NPAS2: variants seen among roughly 807,000 people sequenced by gnomAD.
The protein encoded by NPAS2 is neuronal PAS domain protein 2.
Under a neutral mutation model 107.5 loss-of-function variants are expected in NPAS2, and 23 were observed. That is an observed-to-expected ratio of 0.21 (90% confidence interval 0.15 to 0.30). The LOEUF (loss-of-function observed/expected upper bound fraction) is 0.30. Ranked by LOEUF, NPAS2 falls within the 10% of genes least tolerant of loss-of-function variation. The pLI is 1.00. For synonymous variants in NPAS2, 403 were observed against 417.5 expected (o/e 0.97, Z 0.42); for missense variants, 756 against 1,043.3 (o/e 0.72, Z 3.79).
At chr2:100,974,090 C>A (rs1365211097) in intron 12 of NPAS2, among the ~76,000 whole-genome samples, 1 of 152,244 alleles carries the variant, frequency 6.6e-6, no homozygotes, top group African/African-American at 2.4e-5. Flanking sequence ...GATCCGCCTG[C>A]CTCAGCCTCC....
At chr2:100,974,277 G>A (rs115754346) in intron 12 of NPAS2, among the ~76,000 whole-genome samples, 1 of 152,220 alleles carries the variant, frequency 6.6e-6, no homozygotes, top group Non-Finnish European at 1.5e-5. Context: ...GGGAGCCAGG[G>A]TCAGTCAGGA....
At chr2:100,947,449 G>A (rs1266396871) in intron 5 of NPAS2, among the ~76,000 whole-genome samples, 2 of 151,972 alleles carry the variant, frequency 1.3e-5, no homozygotes, top group East Asian at 1.9e-4. Context: ...TACTTGGGAG[G>A]CTGAGGCAGG....
chr2:100,828,174 G>A (rs941143567), intron 1 of NPAS2, among the ~76,000 whole-genome samples: 4 of 152,092 alleles, frequency 2.6e-5, no homozygotes, highest in Non-Finnish European at 4.4e-5. Flanking sequence ...TAGTGATATG[G>A]AGCATTTTTT....
At chr2:100,987,980 A>G in intron 16 of NPAS2, 99 bp from the exon 17 acceptor site, 1 of 1,295,596 alleles carries the variant, frequency 7.7e-7, no homozygotes, top group Non-Finnish European at 1.1e-6. Context: ...GGCAGCTCAG[A>G]GCAAGAAAGT....
intron 2 of NPAS2, among the ~76,000 whole-genome samples, chr2:100,924,202 C>G (rs1458384848): frequency 6.6e-6 from 1 of 152,212 alleles, no homozygotes; most frequent in Non-Finnish European, 1.5e-5. Flanking sequence ...CAGCATCCCC[C>G]ACCAGAGTGG....
chr2:100,836,976 C>T (rs1239648363), intron 1 of NPAS2, among the ~76,000 whole-genome samples: 1 of 152,156 alleles, frequency 6.6e-6, no homozygotes, highest in Non-Finnish European at 1.5e-5. Flanking sequence ...CCAAGAATAC[C>T]TTTGAACACT....
At position 100,948,306 on chromosome 2, in the gene NPAS2, T is replaced by C; in HGVS notation, c.435T>C (p.Leu145=). The change falls in exon 6 of 21, where the codon CTT becomes CTC. Residue 145 remains leucine, a synonymous_variant. Coordinates refer to ENST00000335681, the MANE Select transcript of NPAS2 (RefSeq NM_002518.4). The part of the protein sequence containing the change: ...EQEHSEVYKI[L]SSHMLVTDSP... ...AACATTCAGAAGTTTATAAAATCCT[T>C]TCTTCCCATATGCTTGTGACGGATT... 2 of 1,613,330 alleles carry C rather than the reference T, an allele frequency of 1.2e-6. No homozygotes were observed. The highest frequency in any genetic ancestry group is 1.7e-6 in the Non-Finnish European group (2 of 1,179,716).
At chr2:100,902,997 CAGA>C in intron 1 of NPAS2, among the ~76,000 whole-genome samples, 1 of 152,358 alleles carries the variant, frequency 6.6e-6, no homozygotes, top group East Asian at 1.9e-4. Flanking sequence ...ATACAAATCA[CAGA>C]AGATGTGGTT....
chr2:100,925,036 T>C, intron 2 of NPAS2, 110 bp from the exon 3 acceptor site: 1 of 1,157,360 alleles, frequency 8.6e-7, no homozygotes, highest in Non-Finnish European at 1.2e-6. Context: ...AGTTTTTTGA[T>C]AAGATAGATG....
intron 4 of NPAS2, chr2:100,935,175 C>G (rs1160029450): frequency 2.3e-6 from 2 of 851,506 alleles, no homozygotes; most frequent in East Asian, 2.4e-4. Flanking sequence ...AGCATTGGAG[C>G]AGTTGCACTC....
intron 1 of NPAS2, among the ~76,000 whole-genome samples, chr2:100,834,539 G>A (rs1676939960): frequency 6.6e-6 from 1 of 152,164 alleles, no homozygotes; most frequent in Admixed American, 6.5e-5. Context: ...GCCTATGAAG[G>A]AGACTAAACT....
intron 1 of NPAS2, among the ~76,000 whole-genome samples, chr2:100,870,576 G>A (rs913817676): frequency 2.6e-5 from 4 of 151,852 alleles, no homozygotes; most frequent in Non-Finnish European, 4.4e-5. Context: ...TTGTGTTTTT[G>A]TAGAGATGGG....
rs369655684 is a variant in NPAS2 at position 100,861,795 on chromosome 2, G to A, written c.-23+41381G>A. ...TGCTTGGCATTTTCACAACAGATAT[G>A]AAAGCCTTTGGGCATGTTTTCTGGG... is the stretch of plus-strand genomic sequence containing the variant. On this transcript the variant is annotated intron_variant, in intron 1 of 20. Transcript: ENST00000335681. 5.3e-4 allele frequency among the ~76,000 whole-genome samples: 80 copies of A among 152,282 alleles called. 1 individual carries two copies. Among genetic ancestry groups the A allele is most frequent in the African/African-American group, 1.9e-3 (80 of 41,560 alleles).
Position 100,820,956 on chromosome 2 carries a change from A to C in NPAS2, c.-23+542A>C. On this transcript the variant is annotated intron_variant, in intron 1 of 20. Coordinates refer to ENST00000335681, the MANE Select transcript of NPAS2 (RefSeq NM_002518.4). The surrounding 1 kb of genome is among the most constrained non-coding windows in gnomAD (Gnocchi z 5.6). ...CGGTGCCCCCAACCCCCGTGTGCGC[A>C]GACAGCGTGCAGCCTGGCTCCTCAC... The C allele has an allele frequency of 3.7e-5, 34 of 927,410 alleles. No homozygotes were observed. The highest frequency in any genetic ancestry group is 4.4e-5 in the Non-Finnish European group (30 of 677,248). The allele number at this position is 927,410 out of a possible 1,614,324, so 57.4% of individuals were successfully genotyped here.
At chr2:100,954,315 A>T (rs1675424413) in intron 7 of NPAS2, among the ~76,000 whole-genome samples, 1 of 152,120 alleles carries the variant, frequency 6.6e-6, no homozygotes, top group Non-Finnish European at 1.5e-5. Context: ...ACCCTGGGAG[A>T]GGCAGTCCCT....
chr2:100,841,023 G>C (rs1284153217), intron 1 of NPAS2, among the ~76,000 whole-genome samples: 1 of 152,118 alleles, frequency 6.6e-6, no homozygotes, highest in African/African-American at 2.4e-5. Flanking sequence ...GTACAGTGGG[G>C]ATAATTGTAG....
At chr2:100,925,414 C>A in intron 3 of NPAS2, 120 bp downstream of exon 3, 1 of 1,039,270 alleles carries the variant, frequency 9.6e-7, no homozygotes, top group Non-Finnish European at 1.4e-6. Flanking sequence ...CCTTACCGGT[C>A]GAGGGCTTCC....
intron 1 of NPAS2, among the ~76,000 whole-genome samples, chr2:100,821,403 G>A (rs1676061892): frequency 6.6e-6 from 1 of 151,994 alleles, no homozygotes; most frequent in African/African-American, 2.4e-5. Context: ...GAGGAGTTTC[G>A]TCTTTACGCG....
At chr2:100,989,292 G>T (rs1376624924) in intron 17 of NPAS2, 1 of 152,992 alleles carries the variant, frequency 6.5e-6, no homozygotes, top group Non-Finnish European at 1.5e-5. Flanking sequence ...TGGGCCTCGA[G>T]GAGCCTGTAG....
Sources: allele counts gnomAD v4.1 joint callset (sites outside exome capture counted in the v4.1 genomes callset), GRCh38; gene constraint gnomAD v4.1.1; non-coding constraint Gnocchi (gnomAD v3.1); transcripts MANE v1.5; gene names NCBI Gene and HGNC (gene_info 2026-07-23, HGNC 2026-07-21).